TVP23A: variants seen among roughly 807,000 people sequenced by gnomAD.
TVP23A encodes the protein Golgi apparatus membrane protein TVP23 homolog A.
In TVP23A, 21 loss-of-function variants were observed where a neutral mutation model predicts 31.7. That is an observed-to-expected ratio of 0.66 (90% CI 0.47 to 0.95). The LOEUF (loss-of-function observed/expected upper bound fraction) is 0.95. Among genes scored for constraint, TVP23A ranks in the 40% least tolerant of loss-of-function variants. The probability of loss-of-function intolerance (pLI) is 0.00; values close to 1 mark genes in which losing one functional copy is unlikely to be tolerated. For synonymous variants in TVP23A, 104 were observed against 96.0 expected (o/e 1.08, Z -0.49); for missense variants, 279 against 255.6 (o/e 1.09, Z -0.62).
intron 2 of TVP23A, among the ~76,000 whole-genome samples, chr16:10,786,547 A>G (rs1032117296): frequency 5.3e-5 from 8 of 152,068 alleles, no homozygotes; most frequent in Non-Finnish European, 1.2e-4. Flanking sequence ...TCTTTCAGAC[A>G]CTCTGGAAAC....
intron 2 of TVP23A, among the ~76,000 whole-genome samples, chr16:10,781,283 C>G (rs1367702769): frequency 6.7e-6 from 1 of 149,776 alleles, no homozygotes; most frequent in African/African-American, 2.5e-5. Flanking sequence ...GAGCCAAGAT[C>G]ACATCACTGC....
chr16:10,813,523 C>T (rs924072742), intron 2 of TVP23A, among the ~76,000 whole-genome samples: 5 of 152,156 alleles, frequency 3.3e-5, no homozygotes, highest in African/African-American at 7.2e-5. Context: ...GCAGAGAGAT[C>T]GCTTGAGTCC....
In TVP23A at chr16:10,769,052, C is replaced by G; in HGVS notation, c.*50G>C. ...CCTGTCGTCTTGTTTTCCAGGAATCCAAGAGTTTTGTAATCTCCATCAGTC... is the reference window on the plus strand; with the variant it reads ...CCTGTCGTCTTGTTTTCCAGGAATCGAAGAGTTTTGTAATCTCCATCAGTC... On this transcript the variant is annotated 3_prime_UTR_variant, in exon 8 of 8. Coordinates refer to ENST00000299866, the MANE Select transcript of TVP23A (RefSeq NM_001079512.4). 1 of 1,613,994 alleles carries G rather than the reference C, an allele frequency of 6.2e-7. No homozygotes were observed. Among genetic ancestry groups the G allele is most frequent in the Non-Finnish European group, 8.5e-7 (1 of 1,179,968 alleles).
At chr16:10,805,589 G>A (rs762014928) in intron 2 of TVP23A, among the ~76,000 whole-genome samples, 2 of 150,056 alleles carry the variant, frequency 1.3e-5, no homozygotes, top group South Asian at 2.2e-4. Flanking sequence ...TTAGCAGGGG[G>A]CCATGGAACC....
At chr16:10,758,063 G>A (rs575847395), downstream of TVP23A, 1 of 1,603,430 alleles carries the variant, frequency 6.2e-7, no homozygotes, top group East Asian at 2.2e-5. Context: ...GGTCCAAACT[G>A]TGCTCCACAC....
downstream of TVP23A, among the ~76,000 whole-genome samples, chr16:10,762,700 T>G (rs956994715): frequency 3.3e-5 from 5 of 152,044 alleles, no homozygotes; most frequent in Non-Finnish European, 7.4e-5. Context: ...GCCTCGGAAC[T>G]TCCACTCCAT....
intron 2 of TVP23A, among the ~76,000 whole-genome samples, chr16:10,802,787 T>C (rs944460345): frequency 1.3e-5 from 2 of 152,206 alleles, no homozygotes; most frequent in Admixed American, 6.6e-5. Context: ...CACTAAAAAA[T>C]CCCCACCACT....
chr16:10,781,028 G>A (rs1398902258), intron 2 of TVP23A, among the ~76,000 whole-genome samples: 4 of 152,050 alleles, frequency 2.6e-5, no homozygotes, highest in Non-Finnish European at 5.9e-5. Context: ...CAGCCACATA[G>A]AAACCCATTG....
intron 2 of TVP23A, among the ~76,000 whole-genome samples, chr16:10,811,425 C>T (rs1357609769): frequency 7.2e-5 from 11 of 151,952 alleles, no homozygotes; most frequent in Admixed American, 5.9e-4. Flanking sequence ...TGTGCCACCA[C>T]GTCTGGCTAC....
intron 2 of TVP23A, among the ~76,000 whole-genome samples, chr16:10,776,243 C>T (rs7189461): frequency 0.32 from 47,738 of 151,134 alleles, 7,863 homozygotes; most frequent in South Asian, 0.54. Flanking sequence ...GGCATGGTGG[C>T]GGCTGCCTGT....
chr16:10,816,562 G>C (rs776668712), intron 2 of TVP23A, among the ~76,000 whole-genome samples: 18 of 152,152 alleles, frequency 1.2e-4, no homozygotes, highest in Non-Finnish European at 2.1e-4. Flanking sequence ...ACAAACTTCT[G>C]ACCTCAAGTG....
intron 2 of TVP23A, among the ~76,000 whole-genome samples, chr16:10,792,321 A>C (rs1254209127): frequency 6.6e-6 from 1 of 152,192 alleles, no homozygotes; most frequent in Non-Finnish European, 1.5e-5. Flanking sequence ...GCATGCCACC[A>C]TGAAGATGCT....
rs2031280948 is a variant in TVP23A, at chr16:10,768,822, A to G, written c.*280T>C. Reference sequence around the variant, plus strand: ...ACAGCATTCCCAGAATCCTCCATCTATAGATGGTCCGAGGAAGGCCGCAGC... The same window carrying G: ...ACAGCATTCCCAGAATCCTCCATCTGTAGATGGTCCGAGGAAGGCCGCAGC... On this transcript the variant is annotated 3_prime_UTR_variant, in exon 8 of 8. Transcript: ENST00000299866. This position sits in a 1 kb window ranked among gnomAD's most constrained non-coding sequence, Gnocchi z 4.3. 2.1e-6 allele frequency: 1 copy of G among 481,832 alleles called. No homozygotes were observed. The highest frequency in any genetic ancestry group is 3.7e-6 in the Non-Finnish European group (1 of 272,436). The allele number at this position is 481,832 out of a possible 1,614,324, so 29.8% of individuals were successfully genotyped here.
rs1024737244 is a variant in TVP23A, at chr16:10,768,991, G to C, written c.*111C>G. On this transcript the variant is annotated 3_prime_UTR_variant, in exon 8 of 8. Transcript: ENST00000299866. The surrounding 1 kb of genome is among the most constrained non-coding windows in gnomAD (Gnocchi z 4.3). Reference sequence around the variant, plus strand: ...ACAGCCCTCCCCAGCACAGGACAGGGCTGTCAAGGGGTAGACAAGCCATTA... The same window carrying C: ...ACAGCCCTCCCCAGCACAGGACAGGCCTGTCAAGGGGTAGACAAGCCATTA... The C allele has an allele frequency of 6.6e-7, 1 of 1,510,200 alleles. No homozygotes were observed. Among genetic ancestry groups the C allele is most frequent in the Non-Finnish European group, 9.2e-7 (1 of 1,085,680 alleles). The allele number at this position is 1,510,200 out of a possible 1,614,324, so 93.5% of individuals were successfully genotyped here. A position where few individuals can be genotyped will look rare whatever the true frequency, so the allele number is the denominator to read the frequency against.
Position 10,818,165 on chromosome 16 carries a change from G to C in TVP23A, c.27C>G (p.Thr9=), listed in dbSNP as rs1184001272. ...TTCCAAAGTCCAGGGACACATCCTC[G>C]GTATCGTCCACCAGGGCCTGGGAGG... MKQALVDD[T]EDVSLDFGNE... The change falls in exon 2 of 8, where the codon ACC becomes ACG. Residue 9 remains threonine (T), a synonymous_variant. Transcript: ENST00000299866. The surrounding 1 kb of genome is among the most constrained non-coding windows in gnomAD (Gnocchi z 4.7). 4 of 1,606,662 alleles carry C rather than the reference G, an allele frequency of 2.5e-6. No individual in the cohort carries two copies. The highest frequency in any genetic ancestry group is 1.7e-5 in the Admixed American group (1 of 59,036).
At position 10,771,778 on chromosome 16, in the gene TVP23A, G is replaced by T. The variant is rs1687349150; in HGVS notation, c.474C>A (p.Ile158=). ...LKWLALVVAG[I]SLQAANLYGY... is the part of the protein sequence containing the mutation. ...CATACAGGTTTGCAGCTTGGAGAGA[G>T]ATCCCAGCAACCACCAGAGCCTGCA... The change falls in exon 6 of 8, where the codon ATC becomes ATA. Residue 158 remains isoleucine, a synonymous_variant. Coordinates refer to ENST00000299866, the MANE Select transcript of TVP23A (RefSeq NM_001079512.4). The T allele has an allele frequency of 1.3e-6, 2 of 1,582,850 alleles. No individual in the cohort carries two copies. The highest frequency in any genetic ancestry group is 2.7e-5 in the African/African-American group (2 of 74,218).
chr16:10,794,060 A>T (rs2033255907), intron 2 of TVP23A, among the ~76,000 whole-genome samples: 1 of 151,934 alleles, frequency 6.6e-6, no homozygotes, highest in African/African-American at 2.4e-5. Flanking sequence ...GGAGGGGAGG[A>T]ACACTGTCTT....
chr16:10,770,415 A>T, intron 6 of TVP23A, 84 bp from the exon 7 acceptor site: 1 of 1,453,678 alleles, frequency 6.9e-7, no homozygotes, highest in Non-Finnish European at 9.3e-7. Context: ...GAGAAAACCC[A>T]CAAAGTACAG....
chr16:10,769,448 A>G (rs1370750799), intron 7 of TVP23A: 7 of 240,982 alleles, frequency 2.9e-5, no homozygotes, highest in Non-Finnish European at 5.5e-5. Context: ...ACTCCCGTTT[A>G]AGCCATTTCT....
Sources: gnomAD v4.1 joint callset for allele counts (sites outside exome capture counted in the v4.1 genomes callset) on GRCh38, gnomAD v4.1.1 for gene constraint, Gnocchi (gnomAD v3.1) non-coding constraint, MANE v1.5 for transcripts, NCBI Gene and HGNC (gene_info 2026-07-23, HGNC 2026-07-21) for gene names.